Variants in CDK13 observed in about 807,000 individuals in gnomAD.
CDK13 encodes the protein cyclin-dependent kinase 13.
CDK13 carries 40 observed loss-of-function variants against 137.6 expected under a neutral mutation model. The ratio of observed to expected loss-of-function variants is 0.29; its 90% CI spans 0.23 to 0.38. CDK13 has a LOEUF of 0.38. Among genes scored for constraint, CDK13 ranks in the 10% least tolerant of loss-of-function variants. CDK13 has a pLI of 1.00. For synonymous variants in CDK13, 869 were observed against 760.1 expected (o/e 1.14, Z -2.36); for missense variants, 1,704 against 1,951.8 (o/e 0.87, Z 2.39).
At chr7:40,036,199 T>C (rs866264938) in intron 5 of CDK13, among the ~76,000 whole-genome samples, 79 of 118,212 alleles carry the variant, frequency 6.7e-4, no homozygotes, top group Non-Finnish European at 9.5e-4. Context: ...CACACACACA[T>C]ATAAAACCTT....
rs976319927 is a variant in CDK13, at chr7:40,039,434, A to ATTTTTTTTTTTTTT, written c.2354-6392_2354-6379dup. Among the ~76,000 whole-genome samples, 70 of 84,994 alleles carry ATTTTTTTTTTTTTT rather than the reference A, an allele frequency of 8.2e-4. 12 individuals are homozygous for ATTTTTTTTTTTTTT. Among genetic ancestry groups the ATTTTTTTTTTTTTT allele is most frequent in the African/African-American group, 3.5e-3 (63 of 18,008 alleles). The allele number at this position is 84,994 out of a possible 152,430, so 55.8% of individuals were successfully genotyped here. ...AGGTGCCCACGACCATGCCCGGCTA[A>ATTTTTTTTTTTTTT]TTTTTTTTTTTTTTTTTTTTTTTGC... On this transcript the variant is annotated intron_variant, in intron 5 of 13. Coordinates refer to ENST00000181839, the MANE Select transcript of CDK13 (RefSeq NM_003718.5).
At chr7:40,014,514 C>T (rs1390612875) in intron 5 of CDK13, among the ~76,000 whole-genome samples, 4 of 146,186 alleles carry the variant, frequency 2.7e-5, no homozygotes, top group Non-Finnish European at 4.5e-5. Context: ...TACAGTGGCA[C>T]AATCATCTCA....
intron 1 of CDK13, chr7:39,952,521 G>A (rs938216473): frequency 2.0e-5 from 3 of 152,122 alleles, no homozygotes; most frequent in South Asian, 4.1e-4. Flanking sequence ...AATTATAGAA[G>A]GTAGAAAAAA....
At chr7:40,084,352 C>G (rs928648632) in intron 11 of CDK13, among the ~76,000 whole-genome samples, 8 of 152,116 alleles carry the variant, frequency 5.3e-5, no homozygotes, top group African/African-American at 1.9e-4. Context: ...GTGACACATG[C>G]CTGTAATCCC....
Position 39,951,517 on chromosome 7 carries a change from C to A in CDK13, c.876C>A (p.Ala292=). The A allele has an allele frequency of 6.5e-7, 1 of 1,534,736 alleles. No individual in the cohort carries two copies. Among genetic ancestry groups the A allele is most frequent in the African/African-American group, 1.4e-5 (1 of 71,362 alleles). Residue 292 remains alanine, a synonymous_variant, in exon 1 of 14, where the codon GCC becomes GCA. Transcript: ENST00000181839. ...RTKSSKEPPS[A]YKEPPKAYRE... ...AGTCGTCCAAGGAGCCGCCTTCGGC[C>A]TACAAGGAACCGCCCAAGGCCTACC...
Position 39,976,323 on chromosome 7 carries a change from T to TCTCTCTCTCTCTCACACA in CDK13, c.1212-11275_1212-11274insTCTCTCTCTCTCACACAC. ...CTCTCTCTCTCTCTCTCTCTCTCTC[T>TCTCTCTCTCTCTCACACA]CACACACACACACACACACACACAC... On this transcript the variant is annotated intron_variant, in intron 1 of 13. Coordinates refer to ENST00000181839, the MANE Select transcript of CDK13 (RefSeq NM_003718.5). Among the ~76,000 whole-genome samples the TCTCTCTCTCTCTCACACA allele has an allele frequency of 7.7e-3, 305 of 39,534 alleles. 18 individuals are homozygous for TCTCTCTCTCTCTCACACA. The highest frequency in any genetic ancestry group is 0.017 in the Middle Eastern group (1 of 60). The allele number at this position is 39,534 out of a possible 152,430, so 25.9% of individuals were successfully genotyped here. A position where few individuals can be genotyped will look rare whatever the true frequency, so the allele number is the denominator to read the frequency against.
intron 11 of CDK13, 110 bp from the exon 12 acceptor site, chr7:40,088,016 A>C: frequency 1.3e-6 from 1 of 777,030 alleles, no homozygotes; most frequent in Non-Finnish European, 2.1e-6. Context: ...CATTCTATGA[A>C]GTCTTCAAGA....
chr7:40,068,931 T>C (rs1465481287), intron 9 of CDK13, among the ~76,000 whole-genome samples: 1 of 151,992 alleles, frequency 6.6e-6, no homozygotes, highest in Non-Finnish European at 1.5e-5. Context: ...GTTAAGATAC[T>C]TATAATTTTA....
At chr7:39,999,625 C>T in intron 4 of CDK13, 125 bp downstream of exon 4, 1 of 972,640 alleles carries the variant, frequency 1.0e-6, no homozygotes, top group Non-Finnish European at 1.5e-6. Context: ...GCTTTTGTTT[C>T]ATCTTGTTTT....
At chr7:39,952,139 C>T (rs1284230768) in intron 1 of CDK13, 1 of 324,012 alleles carries the variant, frequency 3.1e-6, no homozygotes, top group Non-Finnish European at 5.6e-6. Context: ...AATGTGTTAA[C>T]AGGTTTCTCT....
intron 11 of CDK13, among the ~76,000 whole-genome samples, chr7:40,081,558 A>T (rs1313326099): frequency 6.6e-6 from 1 of 152,224 alleles, no homozygotes; most frequent in Non-Finnish European, 1.5e-5. Context: ...TTTATTGATT[A>T]CTGTATCATA....
intron 11 of CDK13, 88 bp downstream of exon 11, chr7:40,078,939 T>C (rs1187757041): frequency 2.3e-6 from 1 of 432,710 alleles, no homozygotes; most frequent in Non-Finnish European, 3.3e-6. Flanking sequence ...TAATAAGATA[T>C]TTCATGTCTG....
intron 5 of CDK13, among the ~76,000 whole-genome samples, chr7:40,004,226 T>A (rs529343571): frequency 6.6e-6 from 1 of 152,324 alleles, no homozygotes; most frequent in African/African-American, 2.4e-5. Context: ...TTATTTTCTT[T>A]ATCAGGTTAT....
chr7:40,075,993 T>C (rs1255814866), intron 9 of CDK13, among the ~76,000 whole-genome samples: 2 of 152,236 alleles, frequency 1.3e-5, no homozygotes, highest in Admixed American at 6.5e-5. Context: ...TGTTCTCTCT[T>C]CTGGTAACAT....
At chr7:40,000,220 A>C (rs17496352) in intron 4 of CDK13, among the ~76,000 whole-genome samples, 3,372 of 152,244 alleles carry the variant, frequency 0.022, 113 homozygotes, top group African/African-American at 0.078. Context: ...TACCAAAGAC[A>C]CAAAAGTTAG....
chr7:40,038,223 A>G (rs934707730), intron 5 of CDK13, among the ~76,000 whole-genome samples: 2 of 152,096 alleles, frequency 1.3e-5, no homozygotes, highest in Non-Finnish European at 2.9e-5. Flanking sequence ...AAAGGTAGCA[A>G]TGTTGTAAGT....
In CDK13 at chr7:39,980,112, C is replaced by T. The variant is rs545931464; in HGVS notation, c.1212-7487C>T. 3.3e-5 allele frequency among the ~76,000 whole-genome samples: 5 copies of T among 152,176 alleles called. No homozygotes were observed. In the East Asian group the frequency reaches 7.7e-4, roughly 23 times the overall value. ...TTTGTGGAGTTTTCTGTTACAACAA[C>T]GATCAGACACATTCAGAGGGTATGG... On this transcript the variant is annotated intron_variant, in intron 1 of 13. Coordinates refer to ENST00000181839, the MANE Select transcript of CDK13 (RefSeq NM_003718.5).
intron 1 of CDK13, among the ~76,000 whole-genome samples, chr7:39,978,780 C>T (rs1056780376): frequency 2.0e-5 from 3 of 152,202 alleles, no homozygotes; most frequent in African/African-American, 7.2e-5. Context: ...CTGATGCTGC[C>T]TGTCTATGGA....
chr7:39,999,661 G>C (rs1243465914), intron 4 of CDK13, among the ~76,000 whole-genome samples, 161 bp downstream of exon 4: 7 of 152,112 alleles, frequency 4.6e-5, no homozygotes, highest in Non-Finnish European at 8.8e-5. Flanking sequence ...CATTTTGTAA[G>C]ATATGAGTAC....
Sources: gnomAD v4.1 joint callset for allele counts (sites outside exome capture counted in the v4.1 genomes callset) on GRCh38, gnomAD v4.1.1 for gene constraint, MANE v1.5 for transcripts, NCBI Gene and HGNC (gene_info 2026-07-23, HGNC 2026-07-21) for gene names.